The following ALDH1L1 variants were observed in gnomAD, a reference collection of about 807,000 sequenced individuals.
The protein encoded by ALDH1L1 is cytosolic 10-formyltetrahydrofolate dehydrogenase.
ALDH1L1 carries 68 observed loss-of-function variants against 101.1 expected under a neutral mutation model. The ratio of observed to expected loss-of-function variants is 0.67; its 90% CI spans 0.55 to 0.82. ALDH1L1 has a LOEUF of 0.82. Among genes scored for constraint, ALDH1L1 ranks in the 40% least tolerant of loss-of-function variants. The probability of loss-of-function intolerance (pLI) is 0.00; values close to 1 mark genes in which losing one functional copy is unlikely to be tolerated. For missense variants in ALDH1L1, 1,087 were observed against 1,172.7 expected (o/e 0.93, Z 1.07); for synonymous variants, 486 against 470.8 (o/e 1.03, Z -0.42).
At chr3:126,159,396 TC>T (rs1348945942) in intron 2 of ALDH1L1, 6 of 456,340 alleles carry the variant, frequency 1.3e-5, no homozygotes, top group African/African-American at 1.2e-4. Flanking sequence ...GGCAGCTGCT[TC>T]CTGCAGTCGC....
At chr3:126,167,564 C>A (rs2081194265) in intron 1 of ALDH1L1, among the ~76,000 whole-genome samples, 1 of 152,010 alleles carries the variant, frequency 6.6e-6, no homozygotes, top group South Asian at 2.1e-4. Flanking sequence ...TAGAAAATCT[C>A]AGTTCCCACC....
chr3:126,195,968 G>A (rs1053463012), intron 1 of ALDH1L1, among the ~76,000 whole-genome samples: 1 of 152,176 alleles, frequency 6.6e-6, no homozygotes, highest in African/African-American at 2.4e-5. Context: ...GTCATGGGGT[G>A]GGGGAAGAGG....
At chr3:126,147,901 C>G (rs2080728460) in intron 8 of ALDH1L1, among the ~76,000 whole-genome samples, 1 of 152,190 alleles carries the variant, frequency 6.6e-6, no homozygotes, top group Non-Finnish European at 1.5e-5. Flanking sequence ...CTGCCTGCCC[C>G]TCGAGGTCTC....
At chr3:126,155,628 C>G (rs2080889881) in intron 4 of ALDH1L1, 125 bp from the exon 5 acceptor site, 1 of 693,812 alleles carries the variant, frequency 1.4e-6, no homozygotes, top group Admixed American at 3.5e-5. Flanking sequence ...ACAGCAGTCA[C>G]CCAAGAAACA....
At chr3:126,157,300 G>C (rs759141238) in intron 4 of ALDH1L1, 43 bp downstream of exon 4, 1 of 1,581,012 alleles carries the variant, frequency 6.3e-7, no homozygotes, top group Middle Eastern at 1.7e-4. Flanking sequence ...ATGCTTGAGG[G>C]TGCGTCGGGG....
At position 126,135,590 on chromosome 3, in the gene ALDH1L1, C is replaced by A. The variant is rs1218408224; in HGVS notation, c.1417G>T (p.Glu473Ter). 1 of 1,600,614 alleles carries A rather than the reference C, an allele frequency of 6.2e-7. No homozygotes were observed. The highest frequency in any genetic ancestry group is 8.5e-7 in the Non-Finnish European group (1 of 1,173,934). ...KAVAAAKDAF[E>*]NGRWGKISAR... ...CTGATCTTCCCCCACCGTCCATTCTCAAAGGCATCCTTGGCTGCGGCCACT... is the reference window on the plus strand; with the variant it reads ...CTGATCTTCCCCCACCGTCCATTCTAAAAGGCATCCTTGGCTGCGGCCACT... The change falls in exon 12 of 23, where the codon GAG (glutamate) becomes TAG (stop). Residue 473 changes from glutamate to a stop codon, truncating the protein, a stop_gained. Coordinates refer to ENST00000393434, the MANE Select transcript of ALDH1L1 (RefSeq NM_012190.4). LOFTEE classifies it high-confidence loss of function.
chr3:126,148,619 G>A (rs960918246), intron 8 of ALDH1L1, among the ~76,000 whole-genome samples: 1 of 152,134 alleles, frequency 6.6e-6, no homozygotes, highest in African/African-American at 2.4e-5. Flanking sequence ...GCTAGAGGAG[G>A]ACTTGAGCCC....
intron 1 of ALDH1L1, among the ~76,000 whole-genome samples, chr3:126,196,753 T>C (rs1048131078): frequency 1.3e-5 from 2 of 152,170 alleles, no homozygotes; most frequent in Non-Finnish European, 1.5e-5. Flanking sequence ...AGGTTGTTCA[T>C]GGATGGGAAG....
At chr3:126,118,395 C>T (rs917173083) in intron 16 of ALDH1L1, among the ~76,000 whole-genome samples, 5 of 152,116 alleles carry the variant, frequency 3.3e-5, no homozygotes, top group Admixed American at 3.3e-4. Context: ...TTGAGATGGA[C>T]CCTAATCCAA....
At chr3:126,125,559 G>A (rs879054682) in intron 15 of ALDH1L1, 57 bp downstream of exon 15, 1 of 1,341,744 alleles carries the variant, frequency 7.5e-7, no homozygotes, top group Admixed American at 2.5e-5. Context: ...CTTATAGAGT[G>A]AGTTCCTGAT....
chr3:126,168,985 C>T (rs2081222732), intron 1 of ALDH1L1, among the ~76,000 whole-genome samples: 1 of 152,072 alleles, frequency 6.6e-6, no homozygotes, highest in African/African-American at 2.4e-5. Context: ...GAATTATCTT[C>T]AAAACGTGGT....
Position 126,130,297 on chromosome 3 carries a change from G to C in ALDH1L1, c.1624-4C>G, listed in dbSNP as rs759196866. On this transcript the variant is annotated splice_region_variant and splice_polypyrimidine_tract_variant and intron_variant, in intron 13 of 22. Transcript: ENST00000393434. Reference sequence around the variant, plus strand: ...GGTTGATGGGGATGGTGGAGCCCTGGAAGAGGAACAGGGGCAGTCACCCAG... The same window carrying C: ...GGTTGATGGGGATGGTGGAGCCCTGCAAGAGGAACAGGGGCAGTCACCCAG... The C allele has an allele frequency of 6.2e-7, 1 of 1,607,298 alleles. No individual in the cohort carries two copies. Among genetic ancestry groups the C allele is most frequent in the South Asian group, 1.1e-5 (1 of 89,750 alleles).
At chr3:126,133,094 G>A (rs962256572) in intron 12 of ALDH1L1, among the ~76,000 whole-genome samples, 1 of 152,216 alleles carries the variant, frequency 6.6e-6, no homozygotes, top group Admixed American at 6.5e-5. Flanking sequence ...AGACCCATTT[G>A]CTCCAAAGCC....
chr3:126,158,403 A>G lies in ALDH1L1; in HGVS notation c.362+2T>C. 6 of 1,580,898 alleles carry G rather than the reference A, an allele frequency of 3.8e-6. No individual in the cohort carries two copies. Among genetic ancestry groups the G allele is most frequent in the Non-Finnish European group, 5.2e-6 (6 of 1,159,308 alleles). On this transcript the variant is annotated splice_donor_variant, in intron 3 of 22. Coordinates refer to ENST00000393434, the MANE Select transcript of ALDH1L1 (RefSeq NM_012190.4). LOFTEE classifies it high-confidence loss of function. ...GCCCCCTGTGTTTTTGCCCCATCTC[A>G]CCAGTTGATGGCCGAGGCCCCTCGG...
intron 17 of ALDH1L1, among the ~76,000 whole-genome samples, chr3:126,115,892 A>C (rs1166037155): frequency 6.6e-6 from 1 of 150,620 alleles, no homozygotes. Context: ...TTTTCCTTTG[A>C]GATAGAGTCA....
chr3:126,128,407 T>C (rs1359000084), intron 14 of ALDH1L1: 1 of 152,108 alleles, frequency 6.6e-6, no homozygotes, highest in Non-Finnish European at 1.5e-5. Context: ...AGGACTGTTT[T>C]ATTACCATTT....
At chr3:126,169,416 A>T (rs368792839) in intron 1 of ALDH1L1, among the ~76,000 whole-genome samples, 2 of 152,214 alleles carry the variant, frequency 1.3e-5, no homozygotes, top group African/African-American at 4.8e-5. Context: ...AACAGAATAC[A>T]ATTGGAAAAA....
At chr3:126,148,748 G>T (rs2080750694) in intron 8 of ALDH1L1, among the ~76,000 whole-genome samples, 1 of 152,194 alleles carries the variant, frequency 6.6e-6, no homozygotes, top group Non-Finnish European at 1.5e-5. Context: ...GCTCTTCCAG[G>T]AGGATCTGGA....
rs2080705170 is a variant in ALDH1L1 at position 126,146,998 on chromosome 3, C to G, written c.985-72G>C. On this transcript the variant is annotated intron_variant, in intron 8 of 22. Transcript: ENST00000393434. Reference sequence around the variant, plus strand: ...ACAAGTGCCACTCCAGGACAACAACCCCTGAACAGACTCATGGATGGCCTG... The same window carrying G: ...ACAAGTGCCACTCCAGGACAACAACGCCTGAACAGACTCATGGATGGCCTG... 4.9e-6 allele frequency: 7 copies of G among 1,435,236 alleles called. No individual in the cohort carries two copies. In the Admixed American group the frequency reaches 7.9e-5, roughly 16 times the overall value. 88.9% of individuals were successfully genotyped at this position (1,435,236 alleles called of 1,614,324 possible).
Sources: gnomAD v4.1 joint callset for allele counts (sites outside exome capture counted in the v4.1 genomes callset) on GRCh38, gnomAD v4.1.1 for gene constraint, MANE v1.5 for transcripts, NCBI Gene and HGNC (gene_info 2026-07-23, HGNC 2026-07-21) for gene names.